The following DZANK1 variants were observed in gnomAD, a reference collection of about 807,000 sequenced individuals.
DZANK1 encodes double zinc ribbon and ankyrin repeat domains 1, also known as double zinc ribbon and ankyrin repeat-containing protein 1.
DZANK1 carries 91 observed loss-of-function variants against 94.5 expected under a neutral mutation model. That is an observed-to-expected ratio of 0.96 (90% CI 0.81 to 1.15). The LOEUF (loss-of-function observed/expected upper bound fraction) is 1.15, where lower values mean the gene tolerates loss of function less well. DZANK1 is among the 50% of genes most tolerant of loss of function. DZANK1 has a pLI of 0.00. For missense variants in DZANK1, 903 were observed against 916.4 expected, an observed-to-expected ratio of 0.99 and a Z score of 0.19; for synonymous variants, 312 against 325.3, an observed-to-expected ratio of 0.96 and a Z score of 0.44.
At chr20:18,460,891 AC>A (rs1378867435) in intron 2 of DZANK1, among the ~76,000 whole-genome samples, 1 of 152,220 alleles carries the variant, frequency 6.6e-6, no homozygotes, top group African/African-American at 2.4e-5. Flanking sequence ...TTTCATCTGT[AC>A]AACCCTATGA....
intron 12 of DZANK1, 85 bp downstream of exon 12, chr20:18,414,263 C>T (rs558853583): frequency 6.0e-6 from 9 of 1,494,074 alleles, no homozygotes; most frequent in African/African-American, 2.8e-5. Flanking sequence ...GTCTCTTCCC[C>T]GGGTTGATTC....
chr20:18,443,944 C>G (rs1488328600), intron 7 of DZANK1, among the ~76,000 whole-genome samples: 1 of 152,172 alleles, frequency 6.6e-6, no homozygotes, highest in African/African-American at 2.4e-5. Context: ...GTCCTCAGGC[C>G]CTGCCCCAGC....
At chr20:18,442,404 T>C (rs2058741776) in intron 8 of DZANK1, among the ~76,000 whole-genome samples, 1 of 152,218 alleles carries the variant, frequency 6.6e-6, no homozygotes, top group African/African-American at 2.4e-5. Context: ...TGCAAACATA[T>C]CAATGAATTT....
intron 12 of DZANK1, among the ~76,000 whole-genome samples, chr20:18,413,528 T>C (rs1007274674): frequency 2.6e-5 from 4 of 152,156 alleles, no homozygotes; most frequent in African/African-American, 7.2e-5. Flanking sequence ...ATGCCTGTAA[T>C]CTCAGCACTT....
At position 18,389,605 on chromosome 20, in the gene DZANK1, G is replaced by C. The variant is rs2055838900; in HGVS notation, c.2018+96C>G. On this transcript the variant is annotated intron_variant, in intron 19 of 20. Coordinates refer to ENST00000262547, the Ensembl canonical transcript of DZANK1. ...TAAAATGGTTAAAGTGGCTGAAACT[G>C]AACAGGGTGTGTGTGTAGACCGCTT... 68 of 1,509,442 alleles carry C rather than the reference G, an allele frequency of 4.5e-5. No homozygotes were observed. The South Asian group carries it at 8.6e-4, about 19-fold the overall frequency. 93.5% of individuals were successfully genotyped at this position (1,509,442 alleles called of 1,614,324 possible). A position where few individuals can be genotyped will look rare whatever the true frequency, so the allele number is the denominator to read the frequency against.
rs138973338 is a variant in DZANK1, at chr20:18,440,920, A to G, written c.747+2427T>C. ...TGATCAGGTGAATTTAACAGACATT[A>G]TAAGTCCCCAACATATACAATACAA... On this transcript the variant is annotated intron_variant, in intron 8 of 20. Coordinates refer to ENST00000262547, the Ensembl canonical transcript of DZANK1. Among the ~76,000 whole-genome samples the G allele has an allele frequency of 5.0e-3, 756 of 152,304 alleles. 3 individuals carry two copies. Among genetic ancestry groups the G allele is most frequent in the South Asian group, 7.7e-3 (37 of 4,816 alleles).
intron 14 of DZANK1, among the ~76,000 whole-genome samples, chr20:18,397,133 T>C (rs2056387722): frequency 6.6e-6 from 1 of 152,238 alleles, no homozygotes; most frequent in Non-Finnish European, 1.5e-5. Context: ...GGTGCAGCTG[T>C]GATCCAATAA....
intron 14 of DZANK1, among the ~76,000 whole-genome samples, chr20:18,397,303 T>C (rs2056398044): frequency 6.6e-6 from 1 of 152,180 alleles, no homozygotes; most frequent in African/African-American, 2.4e-5. Flanking sequence ...GTTGGCCTAT[T>C]TGGCAGCAGA....
At chr20:18,393,673 G>A in intron 17 of DZANK1, 38 bp downstream of exon 17, 1 of 1,334,388 alleles carries the variant, frequency 7.5e-7, no homozygotes, top group Non-Finnish European at 1.1e-6. Flanking sequence ...ATCACAGGCT[G>A]AAGACAACAT....
At chr20:18,450,176 G>A (rs2059049793) in intron 6 of DZANK1, among the ~76,000 whole-genome samples, 1 of 152,112 alleles carries the variant, frequency 6.6e-6, no homozygotes, top group Non-Finnish European at 1.5e-5. Context: ...GAAACTCAAA[G>A]GTCTGAACTT....
intron 9 of DZANK1, chr20:18,432,409 G>A (rs978380479): frequency 1.3e-5 from 2 of 152,190 alleles, no homozygotes; most frequent in Non-Finnish European, 2.9e-5. Context: ...TTCCAGGACT[G>A]TATAGTGGCT....
intron 10 of DZANK1, among the ~76,000 whole-genome samples, chr20:18,424,377 C>T (rs566035123): frequency 1.3e-5 from 2 of 151,882 alleles, no homozygotes; most frequent in African/African-American, 4.8e-5. Flanking sequence ...ATGGCTTGAA[C>T]CCAGAAGGTG....
At chr20:18,421,936 G>A (rs1408773658) in intron 10 of DZANK1, among the ~76,000 whole-genome samples, 2 of 152,140 alleles carry the variant, frequency 1.3e-5, no homozygotes, top group Non-Finnish European at 2.9e-5. Context: ...AGTTGTTTGA[G>A]TTCCTTATAT....
intron 6 of DZANK1, among the ~76,000 whole-genome samples, chr20:18,449,285 G>T (rs1180716631): frequency 1.3e-5 from 2 of 151,940 alleles, no homozygotes; most frequent in Non-Finnish European, 2.9e-5. Flanking sequence ...CACTATTTGG[G>T]TGAAGGGTAC....
intron 10 of DZANK1, among the ~76,000 whole-genome samples, chr20:18,425,665 T>C (rs1005653204): frequency 6.6e-6 from 1 of 152,166 alleles, no homozygotes; most frequent in Non-Finnish European, 1.5e-5. Context: ...GGGACCTTAT[T>C]TGGAAAAAGG....
chr20:18,388,823 G>A (rs1325490929), intron 19 of DZANK1, among the ~76,000 whole-genome samples: 1 of 152,154 alleles, frequency 6.6e-6, no homozygotes, highest in African/African-American at 2.4e-5. Flanking sequence ...ATTATATTTT[G>A]AACACTAACA....
At chr20:18,454,082 ATGCAGGCAGGATGT>A in intron 4 of DZANK1, 7 of 557,908 alleles carry the variant, frequency 1.3e-5, no homozygotes, top group South Asian at 1.1e-4. Flanking sequence ...GGAGCAGCAC[ATGCAGGCAGGATGT>A]TACAACTGTG....
chr20:18,407,616 T>C (rs1026162091), intron 13 of DZANK1, among the ~76,000 whole-genome samples: 1 of 152,210 alleles, frequency 6.6e-6, no homozygotes, highest in African/African-American at 2.4e-5. Context: ...CAGAGATATA[T>C]GACCTTTCAG....
chr20:18,394,539 C>T lies in DZANK1; in HGVS notation c.1612-189G>A, dbSNP rs549076937. On this transcript the variant is annotated intron_variant, in intron 15 of 20. Transcript: ENST00000262547. ...CCCAGCATGCTTTGTCCGTTCTGCC[C>T]CTTACCCGCGGCTCAGTCTGGCCCC... is the stretch of plus-strand genomic sequence containing the variant. 2,202 of 700,648 alleles carry T rather than the reference C, an allele frequency of 3.1e-3. 5 individuals carry two copies. Among genetic ancestry groups the T allele is most frequent in the Non-Finnish European group, 3.3e-3 (1,286 of 387,910 alleles). The allele number at this position is 700,648 out of a possible 1,614,324, so 43.4% of individuals were successfully genotyped here. A position where few individuals can be genotyped will look rare whatever the true frequency, so the allele number is the denominator to read the frequency against.
Sources: gnomAD v4.1 joint callset for allele counts (sites outside exome capture counted in the v4.1 genomes callset) on GRCh38, gnomAD v4.1.1 for gene constraint, MANE v1.5 for transcripts, NCBI Gene and HGNC (gene_info 2026-07-23, HGNC 2026-07-21) for gene names.